Variants in MAP2 observed in about 807,000 individuals in gnomAD.
MAP2 encodes the protein microtubule-associated protein 2.
Under a neutral mutation model 137.6 loss-of-function variants are expected in MAP2, and 14 were observed. The ratio of observed to expected loss-of-function variants is 0.10; its 90% CI spans 0.07 to 0.16. The LOEUF is 0.16. MAP2 is among the 10% of genes least tolerant of loss of function. The probability of loss-of-function intolerance (pLI) is 1.00; values close to 1 mark genes in which losing one functional copy is unlikely to be tolerated. For synonymous variants in MAP2, 786 were observed against 782.3 expected, an observed-to-expected ratio of 1.00 and a Z score of -0.08; for missense variants, 2,088 against 2,191.5, an observed-to-expected ratio of 0.95 and a Z score of 0.94.
intron 3 of MAP2, among the ~76,000 whole-genome samples, chr2:209,615,841 T>C (rs2089120913): frequency 6.6e-6 from 1 of 152,202 alleles, no homozygotes; most frequent in Admixed American, 6.5e-5. Flanking sequence ...TACTCTTTCC[T>C]AATTGATTTT....
chr2:209,534,955 A>C (rs1387186999), intron 2 of MAP2, among the ~76,000 whole-genome samples: 1 of 142,778 alleles, frequency 7.0e-6, no homozygotes, highest in African/African-American at 2.6e-5. Context: ...TATAAAATCC[A>C]GTGGTTTTTA....
At chr2:209,668,897 T>G (rs1400504228) in intron 5 of MAP2, among the ~76,000 whole-genome samples, 2 of 152,058 alleles carry the variant, frequency 1.3e-5, no homozygotes, top group Non-Finnish European at 2.9e-5. Flanking sequence ...AAGTTCATAG[T>G]GTAATTGATT....
At chr2:209,515,146 C>T (rs1430494437) in intron 2 of MAP2, among the ~76,000 whole-genome samples, 2 of 151,986 alleles carry the variant, frequency 1.3e-5, no homozygotes, top group African/African-American at 2.4e-5. Flanking sequence ...TTCTTTCTTT[C>T]GACCATTTCA....
chr2:209,662,112 A>G (rs901597340), intron 5 of MAP2, among the ~76,000 whole-genome samples: 1 of 152,248 alleles, frequency 6.6e-6, no homozygotes, highest in Non-Finnish European at 1.5e-5. Context: ...CTATGACTCA[A>G]CAAATTAAGG....
At chr2:209,696,505 T>G in intron 8 of MAP2, 37 bp from the exon 9 acceptor site, 1 of 1,498,340 alleles carries the variant, frequency 6.7e-7, no homozygotes, top group Non-Finnish European at 9.1e-7. Flanking sequence ...ATGTTTTCAC[T>G]GTTGTTGTTG....
intron 13 of MAP2, among the ~76,000 whole-genome samples, chr2:209,718,955 T>C (rs989708369): frequency 6.6e-6 from 1 of 152,198 alleles, no homozygotes. Flanking sequence ...ATAGTTTGTT[T>C]TACTATAGGA....
At chr2:209,499,130 TG>T (rs1270364408) in intron 1 of MAP2, among the ~76,000 whole-genome samples, 1 of 152,126 alleles carries the variant, frequency 6.6e-6, no homozygotes, top group Non-Finnish European at 1.5e-5. Flanking sequence ...TGCTTCTGAG[TG>T]TAGGTTATTA....
At chr2:209,631,034 A>AAAAAAAAG (rs1559446576) in intron 4 of MAP2, among the ~76,000 whole-genome samples, 18 of 100,668 alleles carry the variant, frequency 1.8e-4, no homozygotes, top group Non-Finnish European at 2.6e-4. Context: ...AAAAAAAAAA[A>AAAAAAAAG]AGAGAGAGAG....
intron 2 of MAP2, among the ~76,000 whole-genome samples, chr2:209,553,104 C>T (rs1352518820): frequency 1.3e-5 from 2 of 151,522 alleles, no homozygotes; most frequent in African/African-American, 2.4e-5. Flanking sequence ...CTCTGCCTCC[C>T]GGGTTCATGC....
intron 1 of MAP2, among the ~76,000 whole-genome samples, chr2:209,430,718 C>T (rs1172600616): frequency 6.6e-6 from 1 of 152,152 alleles, no homozygotes; most frequent in Admixed American, 6.5e-5. Context: ...TTAAATGTAT[C>T]TTTTAAGAAG....
chr2:209,452,657 A>G (rs1700584783), intron 1 of MAP2, among the ~76,000 whole-genome samples: 1 of 152,166 alleles, frequency 6.6e-6, no homozygotes, highest in African/African-American at 2.4e-5. Flanking sequence ...CTGGATAGCA[A>G]TATATTTGGT....
chr2:209,705,880 T>C (rs1302258016), intron 12 of MAP2, among the ~76,000 whole-genome samples, 153 bp downstream of exon 12: 1 of 152,172 alleles, frequency 6.6e-6, no homozygotes, highest in Admixed American at 6.5e-5. Context: ...AGAATGTAGA[T>C]GGCTGCAAAA....
chr2:209,459,056 T>C (rs997012118), intron 1 of MAP2, among the ~76,000 whole-genome samples: 6 of 152,222 alleles, frequency 3.9e-5, no homozygotes, highest in Admixed American at 3.3e-4. Flanking sequence ...GTGAAATTCA[T>C]TTTACCTCTG....
At chr2:209,631,422 A>T (rs2093035431) in intron 4 of MAP2, among the ~76,000 whole-genome samples, 1 of 152,132 alleles carries the variant, frequency 6.6e-6, no homozygotes, top group Non-Finnish European at 1.5e-5. Context: ...TTTTAATTTG[A>T]GGATACAGTG....
chr2:209,664,793 C>T (rs1333971109), intron 5 of MAP2, among the ~76,000 whole-genome samples: 2 of 151,666 alleles, frequency 1.3e-5, no homozygotes, highest in Non-Finnish European at 2.9e-5. Flanking sequence ...AATCCCATCT[C>T]TACTAAAAAT....
intron 4 of MAP2, among the ~76,000 whole-genome samples, chr2:209,637,496 AAGATG>A (rs917482084): frequency 6.6e-6 from 1 of 152,014 alleles, no homozygotes; most frequent in African/African-American, 2.4e-5. Context: ...AAAATAAGGT[AAGATG>A]AGATAAGATA....
At chr2:209,564,594 G>C (rs1322276085) in intron 2 of MAP2, among the ~76,000 whole-genome samples, 1 of 149,160 alleles carries the variant, frequency 6.7e-6, no homozygotes, top group Non-Finnish European at 1.5e-5. Flanking sequence ...CCAAAAGCCA[G>C]GGGTAGCCAC....
chr2:209,443,851 C>T (rs1189966546), intron 1 of MAP2, among the ~76,000 whole-genome samples: 2 of 151,520 alleles, frequency 1.3e-5, no homozygotes, highest in Non-Finnish European at 3.0e-5. Context: ...TGAACAGCTG[C>T]TCATAGGAAA....
At chr2:209,461,396 G>T (rs1702770824) in intron 1 of MAP2, among the ~76,000 whole-genome samples, 1 of 152,220 alleles carries the variant, frequency 6.6e-6, no homozygotes, top group African/African-American at 2.4e-5. Flanking sequence ...GATCATTGCA[G>T]AAAGTTTGAC....
Sources: gnomAD v4.1 joint callset for allele counts (sites outside exome capture counted in the v4.1 genomes callset) on GRCh38, gnomAD v4.1.1 for gene constraint, MANE v1.5 for transcripts, NCBI Gene and HGNC (gene_info 2026-07-23, HGNC 2026-07-21) for gene names.